Variants in RBFOX3 observed in about 807,000 individuals in gnomAD.
RBFOX3 encodes the protein RNA binding fox-1 homolog 3, also known as RNA binding protein fox-1 homolog 3.
In RBFOX3, 17 loss-of-function variants were observed where a neutral mutation model predicts 48.7. That is an observed-to-expected ratio of 0.35 (90% CI 0.24 to 0.52). The LOEUF (loss-of-function observed/expected upper bound fraction) is 0.52. Ranked by LOEUF, RBFOX3 falls within the 20% of genes least tolerant of loss-of-function variation. RBFOX3 has a pLI of 0.94. For missense variants in RBFOX3, 382 were observed against 497.5 expected (o/e 0.77, Z 2.21); for synonymous variants, 212 against 209.5 (o/e 1.01, Z -0.10).
intron 1 of RBFOX3, among the ~76,000 whole-genome samples, chr17:79,546,260 A>T (rs1175880398): frequency 6.6e-6 from 1 of 152,072 alleles, no homozygotes; most frequent in Non-Finnish European, 1.5e-5. Flanking sequence ...TCCCACCAAC[A>T]CAGAGGATCC....
At chr17:79,512,153 T>G (rs1434043527) in intron 1 of RBFOX3, among the ~76,000 whole-genome samples, 1 of 138,360 alleles carries the variant, frequency 7.2e-6, no homozygotes. Flanking sequence ...TACAGCCCCA[T>G]GGCCAGGGGA....
intron 2 of RBFOX3, among the ~76,000 whole-genome samples, chr17:79,417,772 CGT>C (rs2065628405): frequency 6.6e-6 from 1 of 152,254 alleles, no homozygotes; most frequent in African/African-American, 2.4e-5. Context: ...AAGTGCACTT[CGT>C]GTTCACGGCA....
upstream of RBFOX3, among the ~76,000 whole-genome samples, chr17:79,613,922 C>T (rs1402698757): frequency 2.0e-5 from 3 of 152,232 alleles, no homozygotes; most frequent in Non-Finnish European, 4.4e-5. Context: ...TGCAGAGAGC[C>T]GAGATCGCGC....
chr17:79,521,878 A>G (rs1228023090), intron 1 of RBFOX3, among the ~76,000 whole-genome samples: 9 of 152,242 alleles, frequency 5.9e-5, no homozygotes, highest in Admixed American at 3.9e-4. Context: ...AAAGTCCTAG[A>G]TAACTGTGTA....
chr17:79,371,664 T>C (rs1568128875), intron 2 of RBFOX3, among the ~76,000 whole-genome samples: 1 of 152,140 alleles, frequency 6.6e-6, no homozygotes, highest in Non-Finnish European at 1.5e-5. Flanking sequence ...ACGTGTCATC[T>C]CCAGGACACC....
At chr17:79,115,813 G>A in intron 4 of RBFOX3, 65 bp from the exon 5 acceptor site, 1 of 583,902 alleles carries the variant, frequency 1.7e-6, no homozygotes, top group Non-Finnish European at 3.0e-6. Context: ...CCCTGAGGAT[G>A]GGGCCTTGTG....
At chr17:79,139,767 C>T (rs4789948) in intron 4 of RBFOX3, among the ~76,000 whole-genome samples, 7,600 of 152,242 alleles carry the variant, frequency 0.05, 409 homozygotes, top group Admixed American at 0.17. Flanking sequence ...TAGGGATCAG[C>T]CAGGAGTGGC....
At chr17:79,237,266 C>T (rs983485850) in intron 3 of RBFOX3, among the ~76,000 whole-genome samples, 1 of 152,240 alleles carries the variant, frequency 6.6e-6, no homozygotes, top group African/African-American at 2.4e-5. Context: ...ATCACCACCA[C>T]CGTCTTCATC....
At chr17:79,300,808 T>C (rs375938524) in intron 3 of RBFOX3, among the ~76,000 whole-genome samples, 18 of 152,312 alleles carry the variant, frequency 1.2e-4, no homozygotes, top group African/African-American at 4.1e-4. Context: ...GTGAGGCACC[T>C]GGGGCTGCAC....
At chr17:79,410,749 C>G (rs1362429720) in intron 2 of RBFOX3, among the ~76,000 whole-genome samples, 1 of 152,172 alleles carries the variant, frequency 6.6e-6, no homozygotes, top group Non-Finnish European at 1.5e-5. Context: ...CATGCACGCC[C>G]AGGTCAGGCG....
intron 1 of RBFOX3, among the ~76,000 whole-genome samples, chr17:79,496,306 C>A (rs1257357841): frequency 2.0e-5 from 3 of 152,154 alleles, no homozygotes; most frequent in African/African-American, 7.2e-5. Context: ...CCCCACCTGG[C>A]CCTGAGACCT....
intron 2 of RBFOX3, among the ~76,000 whole-genome samples, chr17:79,372,320 A>C (rs1277720780): frequency 1.2e-5 from 1 of 83,566 alleles, no homozygotes; most frequent in Non-Finnish European, 2.2e-5. Flanking sequence ...CCCCCCTGTC[A>C]AATCCCCCCC....
At chr17:79,180,368 A>T (rs1444935446) in intron 4 of RBFOX3, among the ~76,000 whole-genome samples, 1 of 152,228 alleles carries the variant, frequency 6.6e-6, no homozygotes, top group Non-Finnish European at 1.5e-5. Flanking sequence ...GCTGCATCTT[A>T]ATGTGCCTCA....
chr17:79,305,237 G>A (rs1282712018), intron 3 of RBFOX3, among the ~76,000 whole-genome samples: 2 of 152,102 alleles, frequency 1.3e-5, no homozygotes, highest in African/African-American at 4.8e-5. Context: ...GAAAGGGAGA[G>A]GTGGGGGCAG....
Position 79,237,338 on chromosome 17 carries a change from G to A in RBFOX3, c.-73-1533C>T, listed in dbSNP as rs146436218. ...TTGCATGGTTTATGAGCCAGGCACC[G>A]CCTGTACATTGCTTCATTCAGCCCT... On this transcript the variant is annotated intron_variant, in intron 3 of 14. Coordinates refer to ENST00000693108, the MANE Select transcript of RBFOX3 (RefSeq NM_001350451.2). Among the ~76,000 whole-genome samples the A allele has an allele frequency of 4.6e-5, 7 of 151,224 alleles. No individual in the cohort carries two copies. In the East Asian group the frequency reaches 6.0e-4, roughly 13 times the overall value.
At chr17:79,268,891 T>A (rs1563450) in intron 3 of RBFOX3, among the ~76,000 whole-genome samples, 62 of 152,184 alleles carry the variant, frequency 4.1e-4, no homozygotes, top group African/African-American at 1.2e-3. Flanking sequence ...CAGCCATTGC[T>A]CCCTGAAACG....
intron 1 of RBFOX3, among the ~76,000 whole-genome samples, chr17:79,525,096 G>A (rs1293946932): frequency 6.6e-6 from 1 of 152,118 alleles, no homozygotes; most frequent in Non-Finnish European, 1.5e-5. Context: ...AACCTTTCGG[G>A]GTGCCCTGTA....
chr17:79,651,865 C>A, the RBFOX3 span, among the ~76,000 whole-genome samples: 4,052 of 129,772 alleles, frequency 0.031, 68 homozygotes, highest in Non-Finnish European at 0.047. Flanking sequence ...CCCTCCACCA[C>A]CCCCCATCAC....
chr17:79,163,301 C>T (rs1220662898), intron 4 of RBFOX3, among the ~76,000 whole-genome samples: 14 of 152,170 alleles, frequency 9.2e-5, no homozygotes, highest in Admixed American at 2.0e-4. Context: ...GCCGCAGGCC[C>T]GGGGCCTCAC....
Sources: gnomAD v4.1 joint callset for allele counts (sites outside exome capture counted in the v4.1 genomes callset) on GRCh38, gnomAD v4.1.1 for gene constraint, MANE v1.5 for transcripts, NCBI Gene and HGNC (gene_info 2026-07-23, HGNC 2026-07-21) for gene names.